LPP: variants seen among roughly 807,000 people sequenced by gnomAD.
The protein encoded by LPP is lipoma-preferred partner.
A neutral mutation model predicts 60.4 loss-of-function variants in LPP; 38 were observed. That is an observed-to-expected ratio of 0.63 (90% CI 0.49 to 0.83). The LOEUF (loss-of-function observed/expected upper bound fraction) is 0.83. Among genes scored for constraint, LPP ranks in the 40% least tolerant of loss-of-function variants. The pLI, the probability that LPP is intolerant of heterozygous loss-of-function variation, is 0.00. For synonymous variants in LPP, 328 were observed against 290.8 expected (o/e 1.13, Z -1.30); for missense variants, 902 against 783.6 (o/e 1.15, Z -1.80).
chr3:188,481,324 G>A (rs1346603279), intron 4 of LPP, among the ~76,000 whole-genome samples: 1 of 152,128 alleles, frequency 6.6e-6, no homozygotes, highest in African/African-American at 2.4e-5. Context: ...CCCTTTGATG[G>A]TTAAGCTTAA....
chr3:188,809,519 TG>T (rs1164803122), intron 9 of LPP, among the ~76,000 whole-genome samples: 1 of 152,216 alleles, frequency 6.6e-6, no homozygotes, highest in Non-Finnish European at 1.5e-5. Flanking sequence ...GCCCACTTTT[TG>T]ATAAAGTTGT....
rs1770855651 is a variant in LPP at position 188,887,839 on chromosome 3, C to T, written c.*13360C>T. On this transcript the variant is annotated 3_prime_UTR_variant, in exon 12 of 12. Transcript: ENST00000617246. ...TTAAAAGACTTTCTTCCTTTTACTA[C>T]CCATTTCCTCTCTTGGGAAAGCTGA... 1 of 211,172 alleles carries T rather than the reference C, an allele frequency of 4.7e-6. No individual in the cohort carries two copies. Among genetic ancestry groups the T allele is most frequent in the Non-Finnish European group, 9.6e-6 (1 of 104,296 alleles). The allele number at this position is 211,172 out of a possible 1,614,324, so 13.1% of individuals were successfully genotyped here.
rs183436843 is a variant in LPP, at chr3:188,276,079, A to G, written c.-67+50552A>G. 4.4e-3 allele frequency among the ~76,000 whole-genome samples: 666 copies of G among 152,372 alleles called. 5 individuals carry two copies. Among genetic ancestry groups the G allele is most frequent in the Non-Finnish European group, 4.7e-3 (321 of 68,036 alleles). ...GTGTGACTTTAAAAAATGATTTGGC[A>G]AAAGTATGCTTTAAATAAATAAACA... On this transcript the variant is annotated intron_variant, in intron 2 of 11. Coordinates refer to ENST00000617246, the MANE Select transcript of LPP (RefSeq NM_001375462.1).
At chr3:188,792,411 A>G (rs1744059086) in intron 9 of LPP, among the ~76,000 whole-genome samples, 1 of 152,122 alleles carries the variant, frequency 6.6e-6, no homozygotes, top group South Asian at 2.1e-4. Context: ...TGCCAGACAT[A>G]CCAGGTTTGC....
intron 10 of LPP, among the ~76,000 whole-genome samples, chr3:188,871,514 A>G (rs1694781751): frequency 6.6e-6 from 1 of 152,184 alleles, no homozygotes; most frequent in African/African-American, 2.4e-5. Flanking sequence ...ATAGAATATA[A>G]TGTATGTAGA....
At chr3:188,644,954 T>C (rs908348065) in intron 7 of LPP, among the ~76,000 whole-genome samples, 1 of 152,222 alleles carries the variant, frequency 6.6e-6, no homozygotes, top group African/African-American at 2.4e-5. Context: ...AGTAACTATG[T>C]GTGACCTTGA....
At chr3:188,676,859 G>T (rs1354400763) in intron 7 of LPP, among the ~76,000 whole-genome samples, 3 of 152,240 alleles carry the variant, frequency 2.0e-5, no homozygotes, top group Admixed American at 2.0e-4. Context: ...AGTCTTTGAT[G>T]ACTTGTGTGT....
At chr3:188,304,215 T>C (rs1178467001) in intron 2 of LPP, among the ~76,000 whole-genome samples, 1 of 152,210 alleles carries the variant, frequency 6.6e-6, no homozygotes, top group East Asian at 1.9e-4. Context: ...TTAAATGGCG[T>C]AATAGAAAAT....
chr3:188,502,377 GT>G (rs1233696157), intron 5 of LPP, among the ~76,000 whole-genome samples: 2 of 151,456 alleles, frequency 1.3e-5, no homozygotes, highest in African/African-American at 4.8e-5. Context: ...TCTCTTTTTT[GT>G]CTTTTAGCCT....
intron 1 of LPP, among the ~76,000 whole-genome samples, chr3:188,173,034 A>C (rs772095621): frequency 1.3e-5 from 2 of 152,096 alleles, no homozygotes; most frequent in African/African-American, 2.4e-5. Context: ...CACCCAGATA[A>C]ATTTTTGTAT....
chr3:188,240,583 T>C (rs544331717), intron 2 of LPP, among the ~76,000 whole-genome samples: 2 of 152,302 alleles, frequency 1.3e-5, no homozygotes, highest in South Asian at 2.1e-4. Flanking sequence ...ATTCCACTGT[T>C]ATTGAGTAGT....
At chr3:188,707,988 T>C (rs1330694112) in intron 7 of LPP, among the ~76,000 whole-genome samples, 8 of 152,212 alleles carry the variant, frequency 5.3e-5, no homozygotes, top group Non-Finnish European at 1.0e-4. Flanking sequence ...CAGCAAATAG[T>C]GATTACTTAG....
At chr3:188,683,756 G>A (rs1227500246) in intron 7 of LPP, among the ~76,000 whole-genome samples, 1 of 152,168 alleles carries the variant, frequency 6.6e-6, no homozygotes, top group East Asian at 1.9e-4. Flanking sequence ...ATATACATTT[G>A]TGTTTGTATG....
At chr3:188,664,703 T>C (rs979369540) in intron 7 of LPP, among the ~76,000 whole-genome samples, 5 of 152,112 alleles carry the variant, frequency 3.3e-5, no homozygotes, top group African/African-American at 9.7e-5. Context: ...ACAAAAAATA[T>C]TTAAATAACG....
At chr3:188,580,285 T>C (rs1284835795) in intron 6 of LPP, among the ~76,000 whole-genome samples, 2 of 152,126 alleles carry the variant, frequency 1.3e-5, no homozygotes, top group Non-Finnish European at 2.9e-5. Flanking sequence ...TTAATTATAA[T>C]TATAGGCAGA....
intron 2 of LPP, among the ~76,000 whole-genome samples, chr3:188,324,841 A>C (rs1228194155): frequency 1.3e-5 from 2 of 152,064 alleles, no homozygotes; most frequent in Non-Finnish European, 2.9e-5. Flanking sequence ...TTTGACTTAC[A>C]ATTTGTCCAC....
chr3:188,172,113 C>A (rs548129471), intron 1 of LPP, among the ~76,000 whole-genome samples: 1 of 152,334 alleles, frequency 6.6e-6, no homozygotes, highest in South Asian at 2.1e-4. Context: ...TAAGAATTCA[C>A]CTTGAGAGTC....
At chr3:188,249,630 AT>A (rs1179569550) in intron 2 of LPP, among the ~76,000 whole-genome samples, 1 of 151,826 alleles carries the variant, frequency 6.6e-6, no homozygotes, top group Non-Finnish European at 1.5e-5. Context: ...CAGTTACTAC[AT>A]TTTCCCCTCT....
intron 2 of LPP, among the ~76,000 whole-genome samples, chr3:188,238,784 A>C (rs553538696): frequency 6.6e-6 from 1 of 152,216 alleles, no homozygotes; most frequent in Non-Finnish European, 1.5e-5. Flanking sequence ...AAACATTGTG[A>C]TAGTTACCAA....
Sources: allele counts gnomAD v4.1 joint callset (sites outside exome capture counted in the v4.1 genomes callset), GRCh38; gene constraint gnomAD v4.1.1; transcripts MANE v1.5; gene names NCBI Gene and HGNC (gene_info 2026-07-23, HGNC 2026-07-21).